The following RMDN2 variants were observed in gnomAD, a reference collection of about 807,000 sequenced individuals.
RMDN2 encodes the protein regulator of microtubule dynamics protein 2.
RMDN2 carries 61 observed loss-of-function variants against 52.8 expected under a neutral mutation model. The observed-to-expected ratio is 1.16, with a 90% CI of 0.94 to 1.43. The LOEUF (loss-of-function observed/expected upper bound fraction) is 1.43, where lower values mean the gene tolerates loss of function less well. Among genes scored for constraint, RMDN2 ranks in the 40% most tolerant of loss-of-function variants. The pLI, the probability that RMDN2 is intolerant of heterozygous loss-of-function variation, is 0.00. For synonymous variants in RMDN2, 180 were observed against 153.1 expected, an observed-to-expected ratio of 1.18 and a Z score of -1.30; for missense variants, 592 against 475.3, an observed-to-expected ratio of 1.25 and a Z score of -2.28.
intron 7 of RMDN2, among the ~76,000 whole-genome samples, chr2:37,995,040 A>T (rs971053950): frequency 6.6e-6 from 1 of 152,176 alleles, no homozygotes; most frequent in African/African-American, 2.4e-5. Context: ...AGGATGATGA[A>T]AATGTACTAT....
At chr2:37,975,061 G>A (rs548433681) in intron 3 of RMDN2, 151 bp from the exon 4 acceptor site, 13 of 632,304 alleles carry the variant, frequency 2.1e-5, no homozygotes, top group Non-Finnish European at 3.7e-5. Context: ...GATTAAAAAT[G>A]TTTCACACGA....
chr2:37,942,220 C>T (rs1667854999), intron 2 of RMDN2, among the ~76,000 whole-genome samples: 1 of 152,188 alleles, frequency 6.6e-6, no homozygotes, highest in Non-Finnish European at 1.5e-5. Context: ...CCTCACCCTC[C>T]ATAGGCTGCA....
At chr2:37,981,214 G>A (rs1046237687) in intron 4 of RMDN2, 69 bp from the exon 5 acceptor site, 8 of 952,830 alleles carry the variant, frequency 8.4e-6, no homozygotes, top group African/African-American at 4.8e-5. Flanking sequence ...TGAACCATGA[G>A]TTAATTCAAT....
chr2:37,980,841 A>T (rs905410351), intron 4 of RMDN2, among the ~76,000 whole-genome samples: 1 of 151,208 alleles, frequency 6.6e-6, no homozygotes, highest in Non-Finnish European at 1.5e-5. Flanking sequence ...TGCCTGCAGC[A>T]TACTGAACGG....
intron 10 of RMDN2, among the ~76,000 whole-genome samples, chr2:38,029,027 A>G (rs528606954): frequency 1.3e-5 from 2 of 152,194 alleles, no homozygotes; most frequent in Non-Finnish European, 2.9e-5. Flanking sequence ...GCGGGCACAT[A>G]TCCATGCAAA....
At chr2:38,023,676 A>G (rs1679557026) in intron 10 of RMDN2, among the ~76,000 whole-genome samples, 1 of 152,186 alleles carries the variant, frequency 6.6e-6, no homozygotes, top group Non-Finnish European at 1.5e-5. Flanking sequence ...TACATTTTAG[A>G]ACCAAGTAAA....
intron 4 of RMDN2, among the ~76,000 whole-genome samples, chr2:37,979,451 A>G (rs1039552988): frequency 6.6e-6 from 1 of 152,156 alleles, no homozygotes; most frequent in African/African-American, 2.4e-5. Context: ...ATGAGGGAGG[A>G]AGTGCAGAAG....
At chr2:37,986,510 T>A (rs548122061) in intron 5 of RMDN2, among the ~76,000 whole-genome samples, 1 of 152,178 alleles carries the variant, frequency 6.6e-6, no homozygotes, top group South Asian at 2.1e-4. Flanking sequence ...TTATCTCTCA[T>A]GAATATAGAA....
upstream of RMDN2, among the ~76,000 whole-genome samples, chr2:37,924,493 T>C (rs1666127609): frequency 1.3e-5 from 2 of 151,992 alleles, no homozygotes; most frequent in African/African-American, 2.4e-5. Flanking sequence ...TCCTCCCAAG[T>C]AGCTGGGATT....
intron 10 of RMDN2, among the ~76,000 whole-genome samples, chr2:38,056,911 G>T (rs574182058): frequency 2.0e-5 from 3 of 152,134 alleles, no homozygotes; most frequent in Non-Finnish European, 2.9e-5. Flanking sequence ...ATGCTAAAAT[G>T]CCTCCACTTG....
intron 2 of RMDN2, among the ~76,000 whole-genome samples, chr2:37,972,707 G>T (rs1295828700): frequency 6.6e-6 from 1 of 152,152 alleles, no homozygotes; most frequent in African/African-American, 2.4e-5. Context: ...TGGAGGCTTA[G>T]ACCAAGGTGG....
downstream of RMDN2, among the ~76,000 whole-genome samples, chr2:38,021,979 C>G (rs549633024): frequency 4.6e-5 from 7 of 152,310 alleles, no homozygotes; most frequent in South Asian, 1.0e-3. Context: ...TCTGTCCAAT[C>G]CAGTGAGGGA....
chr2:37,982,672 T>C (rs1673479002), intron 5 of RMDN2, among the ~76,000 whole-genome samples: 2 of 152,150 alleles, frequency 1.3e-5, no homozygotes, highest in Non-Finnish European at 2.9e-5. Context: ...AGATAAAGTA[T>C]TGTTTTGTAC....
chr2:37,940,034 C>T (rs896873761), intron 2 of RMDN2, among the ~76,000 whole-genome samples: 12 of 151,996 alleles, frequency 7.9e-5, no homozygotes, highest in African/African-American at 2.7e-4. Context: ...TTTTCCTTTC[C>T]GTATTTAGTG....
chr2:37,936,998 G>A (rs1667349865), intron 2 of RMDN2, among the ~76,000 whole-genome samples: 1 of 152,110 alleles, frequency 6.6e-6, no homozygotes, highest in South Asian at 2.1e-4. Context: ...TATTGCCCAG[G>A]TTTTCTTCTA....
intron 2 of RMDN2, among the ~76,000 whole-genome samples, chr2:37,956,896 A>G (rs1195207653): frequency 2.0e-5 from 3 of 152,096 alleles, no homozygotes; most frequent in Non-Finnish European, 4.4e-5. Context: ...ATGAGTGAGA[A>G]CATGCAGTGT....
In RMDN2 at chr2:37,948,028, AG is replaced by A. The variant is rs1442568002; in HGVS notation, c.452+18300del. 2.6e-5 allele frequency among the ~76,000 whole-genome samples: 4 copies of A among 152,166 alleles called. No individual in the cohort carries two copies. In the East Asian group the frequency reaches 7.7e-4, roughly 29 times the overall value. On this transcript the variant is annotated intron_variant, in intron 2 of 10. Transcript: ENST00000354545. ...ATAGGCAGCTGCTGTGAGGTACCTC[AG>A]AAGACGCTTCTGCCTTGACTCTGGG...
At chr2:38,045,869 C>T (rs1291783129) in intron 10 of RMDN2, among the ~76,000 whole-genome samples, 1 of 152,178 alleles carries the variant, frequency 6.6e-6, no homozygotes, top group African/African-American at 2.4e-5. Flanking sequence ...TGTTTATGGC[C>T]AACAAGTGTT....
At chr2:37,949,526 C>T (rs372992577) in intron 2 of RMDN2, among the ~76,000 whole-genome samples, 21 of 152,212 alleles carry the variant, frequency 1.4e-4, no homozygotes, top group African/African-American at 2.4e-4. Context: ...CTCTAACCCA[C>T]GAATCTCATG....
Sources: allele counts gnomAD v4.1 joint callset (sites outside exome capture counted in the v4.1 genomes callset), GRCh38; gene constraint gnomAD v4.1.1; transcripts MANE v1.5; gene names NCBI Gene and HGNC (gene_info 2026-07-23, HGNC 2026-07-21).